UBE2C: variants seen among roughly 807,000 people sequenced by gnomAD.
UBE2C encodes the protein ubiquitin conjugating enzyme E2 C.
In UBE2C, 16 loss-of-function variants were observed where a neutral mutation model predicts 23.5. That is an observed-to-expected ratio of 0.68 (90% CI 0.46 to 1.03). The LOEUF (loss-of-function observed/expected upper bound fraction) is 1.03, where lower values mean the gene tolerates loss of function less well. Ranked by LOEUF, UBE2C falls within the 50% of genes least tolerant of loss-of-function variation. The probability of loss-of-function intolerance (pLI) is 0.00; values close to 1 mark genes in which losing one functional copy is unlikely to be tolerated. For missense variants in UBE2C, 192 were observed against 227.6 expected (o/e 0.84, Z 1.01); for synonymous variants, 76 against 91.6 (o/e 0.83, Z 0.97).
At position 45,812,673 on chromosome 20, in the gene UBE2C, GTCTC is replaced by G. The variant is rs752678171; in HGVS notation, c.-19_-16del. The G allele has an allele frequency of 6.6e-5, 102 of 1,550,724 alleles. No homozygotes were observed. The highest frequency in any genetic ancestry group is 9.8e-5 in the Admixed American group (5 of 51,014). On this transcript the variant is annotated 5_prime_UTR_variant, in exon 1 of 6. Coordinates refer to ENST00000356455, the MANE Select transcript of UBE2C (RefSeq NM_007019.4). ...TTGCAGTCGTGTTCTCCGAGTTCCT[GTCTC>G]TCTGCCAACGCCGCCCGGATGGCTT...
chr20:45,815,931 G>A lies in UBE2C; in HGVS notation c.481+18G>A, dbSNP rs760271584. On this transcript the variant is annotated intron_variant, in intron 5 of 5. Coordinates refer to ENST00000356455, the MANE Select transcript of UBE2C (RefSeq NM_007019.4). The stretch of plus-strand genomic sequence containing the variant: ...CCCCACAGGTGAGTCCTCAGTCCTT[G>A]AGCCCAGGGTGATCCCTCCCCCAAC... 3.1e-6 allele frequency: 5 copies of A among 1,613,850 alleles called. No homozygotes were observed. The highest frequency in any genetic ancestry group is 4.2e-6 in the Non-Finnish European group (5 of 1,179,866).
Position 45,815,655 on chromosome 20 carries a change from G to A in UBE2C, c.331G>A (p.Gly111Ser). 6.2e-7 allele frequency: 1 copy of A among 1,614,108 alleles called. No individual in the cohort carries two copies. Among genetic ancestry groups the A allele is most frequent in the Non-Finnish European group, 8.5e-7 (1 of 1,180,016 alleles). The part of the protein sequence containing the change: ...PCYHPNVDTQ[G>S]NICLDILKEK... ...CTATCACCCCAACGTGGACACCCAG[G>A]GTAACATATGCCTGGACATCCTGAA... The change falls in exon 4 of 6, where the codon GGT (glycine) becomes AGT (serine). Residue 111 changes from glycine to serine, a missense_variant. Transcript: ENST00000356455.
Position 45,814,425 on chromosome 20 carries a change from C to T in UBE2C, c.171C>T (p.Asp57=). 4 of 1,611,276 alleles carry T rather than the reference C, an allele frequency of 2.5e-6. No homozygotes were observed. The highest frequency in any genetic ancestry group is 3.4e-6 in the Non-Finnish European group (4 of 1,178,674). ...DKGISAFPES[D]NLFKWVGTIH... Reference sequence around the variant, plus strand: ...GGATTTCTGCCTTCCCTGAATCAGACAACCTTTTCAAATGGGTAGGGACCA... The same window carrying T: ...GGATTTCTGCCTTCCCTGAATCAGATAACCTTTTCAAATGGGTAGGGACCA... Residue 57 remains aspartate, a synonymous_variant, in exon 3 of 6, where the codon GAC becomes GAT. Transcript: ENST00000356455.
rs377377495 is a variant in UBE2C at position 45,815,933 on chromosome 20, G to T, written c.481+20G>T. 2 of 1,613,534 alleles carry T rather than the reference G, an allele frequency of 1.2e-6. No individual in the cohort carries two copies. Among genetic ancestry groups the T allele is most frequent in the Middle Eastern group, 1.7e-4 (1 of 6,054 alleles). ...CCACAGGTGAGTCCTCAGTCCTTGA[G>T]CCCAGGGTGATCCCTCCCCCAACCT... On this transcript the variant is annotated intron_variant, in intron 5 of 5. Coordinates refer to ENST00000356455, the MANE Select transcript of UBE2C (RefSeq NM_007019.4).
At chr20:45,813,410 A>C (rs1982117826) in intron 1 of UBE2C, 27 bp from the exon 2 acceptor site, 1 of 1,613,986 alleles carries the variant, frequency 6.2e-7, no homozygotes, top group Non-Finnish European at 8.5e-7. Flanking sequence ...CCAGACTCCC[A>C]GGTAACCCCG....
intron 5 of UBE2C, 152 bp from the exon 6 acceptor site, chr20:45,816,557 A>T: frequency 1.6e-6 from 1 of 624,860 alleles, no homozygotes; most frequent in Non-Finnish European, 2.8e-6. Context: ...GAATCACTTG[A>T]ATCTAGGAAG....
intron 5 of UBE2C, 53 bp downstream of exon 5, chr20:45,815,966 C>T (rs1601047189): frequency 1.3e-6 from 2 of 1,589,574 alleles, no homozygotes; most frequent in East Asian, 2.2e-5. Flanking sequence ...CCTTCAAAGG[C>T]TCCCTCAAAC....
At chr20:45,813,174 T>G in intron 1 of UBE2C, 1 of 1,408,104 alleles carries the variant, frequency 7.1e-7, no homozygotes, top group Non-Finnish European at 9.2e-7. Flanking sequence ...AGGGAGAAGT[T>G]GAGTCGGGCA....
Position 45,815,546 on chromosome 20 carries a change from T to C in UBE2C, c.222T>C (p.Tyr74=), listed in dbSNP as rs746495033. ...GTIHGAAGTV[Y]EDLRYKLSLE... is the part of the protein sequence containing the mutation. ...ACTGTTTCTCCAAATGCCAGGTATA[T>C]GAAGACCTGAGGTATAAGCTCTCGC... The change falls in exon 4 of 6, where the codon TAT becomes TAC. Residue 74 remains tyrosine (Y), a synonymous_variant. Coordinates refer to ENST00000356455, the MANE Select transcript of UBE2C (RefSeq NM_007019.4). 8 of 1,614,056 alleles carry C rather than the reference T, an allele frequency of 5.0e-6. No individual in the cohort carries two copies. The highest frequency in any genetic ancestry group is 5.1e-6 in the Non-Finnish European group (6 of 1,179,998).
At chr20:45,816,296 C>T (rs547889484) in intron 5 of UBE2C, among the ~76,000 whole-genome samples, 2 of 152,290 alleles carry the variant, frequency 1.3e-5, no homozygotes, top group South Asian at 4.2e-4. Flanking sequence ...CCTCCTCCAC[C>T]TCCTCCGACC....
At chr20:45,814,271 C>T (rs1711193) in intron 2 of UBE2C, 113 bp from the exon 3 acceptor site, 55 of 391,472 alleles carry the variant, frequency 1.4e-4, no homozygotes, top group African/African-American at 1.4e-3. Flanking sequence ...TGTATGTGAG[C>T]ATATATATAT....
At position 45,814,366 on chromosome 20, in the gene UBE2C, A is replaced by G. The variant is rs769387002; in HGVS notation, c.130-18A>G. The G allele has an allele frequency of 6.3e-7, 1 of 1,592,356 alleles. No homozygotes were observed. The highest frequency in any genetic ancestry group is 8.6e-7 in the Non-Finnish European group (1 of 1,169,120). On this transcript the variant is annotated intron_variant, in intron 2 of 5. Transcript: ENST00000356455. ...CAAAAGTGTACTCCACATTCCAACA[A>G]ATGTGTTTTCTCCCCAGATGTCTGG...
chr20:45,815,428 A>G (rs1568715795), intron 3 of UBE2C, 113 bp from the exon 4 acceptor site: 1 of 1,613,774 alleles, frequency 6.2e-7, no homozygotes, highest in Non-Finnish European at 8.5e-7. Context: ...CAGTTTGTCT[A>G]CTGTCCGGTC....
At chr20:45,813,280 C>T (rs961270582) in intron 1 of UBE2C, 157 bp from the exon 2 acceptor site, 1 of 1,532,934 alleles carries the variant, frequency 6.5e-7, no homozygotes. Flanking sequence ...TAGGATCGTC[C>T]TGTGGATCTG....
intron 2 of UBE2C, among the ~76,000 whole-genome samples, chr20:45,814,146 C>CTCTATATATATATA (rs1158772080): frequency 1.1e-4 from 15 of 133,896 alleles, no homozygotes; most frequent in African/African-American, 4.1e-4. Context: ...CTCTCTCTCT[C>CTCTATATATATATA]TATATATATA....
In UBE2C at chr20:45,814,477, G is replaced by A. The variant is rs754122967; in HGVS notation, c.216+7G>A. The A allele has an allele frequency of 6.2e-7, 1 of 1,604,286 alleles. No individual in the cohort carries two copies. The highest frequency in any genetic ancestry group is 1.7e-5 in the Admixed American group (1 of 59,588). On this transcript the variant is annotated splice_region_variant and intron_variant, in intron 3 of 5. Transcript: ENST00000356455. ...CCATGGAGCAGCTGGAACAGTAAGT[G>A]TAGGGCTGGGATGGGTGAGTGAGTC...
chr20:45,816,479 CA>C (rs1173299988), intron 5 of UBE2C, among the ~76,000 whole-genome samples: 3 of 151,828 alleles, frequency 2.0e-5, no homozygotes, highest in Non-Finnish European at 4.4e-5. Context: ...CTACTAAATA[CA>C]AAAAAAATTA....
intron 5 of UBE2C, among the ~76,000 whole-genome samples, chr20:45,816,119 A>C (rs1006114792): frequency 3.3e-5 from 5 of 152,214 alleles, no homozygotes; most frequent in African/African-American, 1.2e-4. Flanking sequence ...TTTGGCGATA[A>C]ATAATTTTGG....
chr20:45,813,366 G>A, intron 1 of UBE2C, 71 bp from the exon 2 acceptor site: 11 of 1,613,246 alleles, frequency 6.8e-6, no homozygotes, highest in Non-Finnish European at 9.3e-6. Flanking sequence ...AGATTCAGGT[G>A]GGAGAAGATG....
Sources: allele counts gnomAD v4.1 joint callset (sites outside exome capture counted in the v4.1 genomes callset), GRCh38; gene constraint gnomAD v4.1.1; transcripts MANE v1.5; gene names NCBI Gene and HGNC (gene_info 2026-07-23, HGNC 2026-07-21).